SOX5: variants seen among roughly 807,000 people sequenced by gnomAD.
SOX5 encodes SRY-box transcription factor 5.
A neutral mutation model predicts 92.0 loss-of-function variants in SOX5; 9 were observed. The ratio of observed to expected loss-of-function variants is 0.10; its 90% CI spans 0.06 to 0.17. The LOEUF is 0.17. Ranked by LOEUF, SOX5 falls within the 10% of genes least tolerant of loss-of-function variation. SOX5 has a pLI of 1.00. For synonymous variants in SOX5, 344 were observed against 336.3 expected (o/e 1.02, Z -0.25); for missense variants, 642 against 944.5 (o/e 0.68, Z 4.20).
chr12:24,377,115 T>C (rs931361432), intron 1 of SOX5, among the ~76,000 whole-genome samples: 1 of 152,172 alleles, frequency 6.6e-6, no homozygotes, highest in African/African-American at 2.4e-5. Flanking sequence ...TGAAAACCAA[T>C]ATGCCAACTA....
chr12:24,372,689 C>T (rs1223042322), intron 1 of SOX5, among the ~76,000 whole-genome samples: 5 of 152,142 alleles, frequency 3.3e-5, no homozygotes, highest in Non-Finnish European at 7.4e-5. Context: ...GTTCTAGATC[C>T]TTGAGGAATC....
intron 13 of SOX5, among the ~76,000 whole-genome samples, chr12:23,542,521 T>C (rs969007909): frequency 6.6e-6 from 1 of 152,218 alleles, no homozygotes; most frequent in Admixed American, 6.5e-5. Flanking sequence ...CCCAACCATT[T>C]TTCCTGTGTG....
At chr12:24,279,867 C>A (rs539276623) in intron 2 of SOX5, among the ~76,000 whole-genome samples, 1 of 152,246 alleles carries the variant, frequency 6.6e-6, no homozygotes, top group South Asian at 2.1e-4. Context: ...CTGTAAACTG[C>A]AGGGGAGACA....
At chr12:24,515,253 A>G (rs1949677935) in intron 1 of SOX5, among the ~76,000 whole-genome samples, 1 of 152,200 alleles carries the variant, frequency 6.6e-6, no homozygotes, top group African/African-American at 2.4e-5. Flanking sequence ...GTGAAAAACT[A>G]CTTACTTGTA....
Position 23,811,848 on chromosome 12 carries a change from A to G in SOX5, c.481+34135T>C, listed in dbSNP as rs547734766. On this transcript the variant is annotated intron_variant, in intron 3 of 14. Coordinates refer to ENST00000451604, the MANE Select transcript of SOX5 (RefSeq NM_006940.6). ...TTAGAAGTAGTTAAAAATAAGCCTA[A>G]TTTGTAATAAACCAGAAAGTCTTCC... Among the ~76,000 whole-genome samples, 5 of 152,042 alleles carry G rather than the reference A, an allele frequency of 3.3e-5. No individual in the cohort carries two copies. The South Asian group carries it at 1.0e-3, about 32-fold the overall frequency.
At chr12:23,859,037 C>G (rs752952584) in intron 2 of SOX5, among the ~76,000 whole-genome samples, 2 of 152,170 alleles carry the variant, frequency 1.3e-5, no homozygotes, top group Non-Finnish European at 2.9e-5. Context: ...TATGTCACTT[C>G]AGGACCCTGT....
intron 3 of SOX5, among the ~76,000 whole-genome samples, chr12:23,775,035 C>G (rs543701774): frequency 1.5e-4 from 23 of 152,226 alleles, no homozygotes; most frequent in Non-Finnish European, 2.4e-4. Context: ...ACGGCTATGA[C>G]AAACCTACAT....
rs149567277 is a variant in SOX5, at chr12:24,390,773, T to C, written c.-250-22134A>G. 6.2e-4 allele frequency among the ~76,000 whole-genome samples: 94 copies of C among 152,306 alleles called. 2 individuals carry two copies. The highest frequency in any genetic ancestry group is 6.8e-3 in the Middle Eastern group (2 of 294). ...TTCATTCTTTTTGAGGGCTGAGTAG[T>C]ATTCTGTGGCATGTGTACATATGTG... On this transcript the variant is annotated intron_variant, in intron 1 of 4. Coordinates refer to the SOX5 transcript ENST00000446891.
chr12:23,565,152 G>A (rs1946857862), intron 10 of SOX5, among the ~76,000 whole-genome samples: 1 of 152,130 alleles, frequency 6.6e-6, no homozygotes, highest in Non-Finnish European at 1.5e-5. Context: ...ATAGTGAATT[G>A]AAAACAACTC....
intron 4 of SOX5, among the ~76,000 whole-genome samples, chr12:23,977,741 T>A (rs1481555508): frequency 6.6e-6 from 1 of 151,710 alleles, no homozygotes; most frequent in Non-Finnish European, 1.5e-5. Flanking sequence ...TTATTTTATC[T>A]AAGACACCCT....
intron 1 of SOX5, among the ~76,000 whole-genome samples, chr12:24,501,612 G>C (rs1444293492): frequency 2.0e-5 from 3 of 152,100 alleles, no homozygotes; most frequent in African/African-American, 4.8e-5. Context: ...GATTGCTTGA[G>C]GTCAGGAGTT....
At chr12:24,359,764 A>T (rs555704642) in intron 2 of SOX5, among the ~76,000 whole-genome samples, 2 of 152,324 alleles carry the variant, frequency 1.3e-5, no homozygotes, top group South Asian at 4.1e-4. Context: ...AGCTTCTAAG[A>T]CATCCAAATG....
intron 4 of SOX5, among the ~76,000 whole-genome samples, chr12:24,160,650 G>C (rs1183957473): frequency 6.6e-6 from 1 of 151,980 alleles, no homozygotes; most frequent in Non-Finnish European, 1.5e-5. Flanking sequence ...CATAGAAAGG[G>C]AAGAAAGGTT....
intron 1 of SOX5, chr12:24,562,193 C>T (rs1954437832): frequency 6.6e-6 from 1 of 152,556 alleles, no homozygotes; most frequent in Non-Finnish European, 1.5e-5. Flanking sequence ...CCTCCCTCCT[C>T]CGCGGCTCTC....
At chr12:24,297,731 G>A (rs996731855) in intron 2 of SOX5, among the ~76,000 whole-genome samples, 1 of 152,218 alleles carries the variant, frequency 6.6e-6, no homozygotes, top group South Asian at 2.1e-4. Context: ...GGAACTGTGA[G>A]TGACTGCTCA....
intron 1 of SOX5, among the ~76,000 whole-genome samples, chr12:24,389,265 G>C (rs1298526389): frequency 7.2e-5 from 11 of 152,126 alleles, no homozygotes; most frequent in Non-Finnish European, 1.5e-4. Context: ...TTTCATCCCT[G>C]TCCCTACAAA....
intron 1 of SOX5, among the ~76,000 whole-genome samples, chr12:24,432,991 C>T (rs1357470101): frequency 6.6e-6 from 1 of 152,056 alleles, no homozygotes; most frequent in African/African-American, 2.4e-5. Context: ...CTTTTTAGCT[C>T]AGCAGTGATT....
chr12:23,587,722 C>T (rs1314018201), intron 9 of SOX5, among the ~76,000 whole-genome samples: 2 of 151,994 alleles, frequency 1.3e-5, no homozygotes, highest in African/African-American at 2.4e-5. Context: ...CCATAAACAT[C>T]CTTAACACTA....
intron 4 of SOX5, among the ~76,000 whole-genome samples, chr12:23,984,027 T>C (rs1254169319): frequency 6.6e-6 from 1 of 152,134 alleles, no homozygotes; most frequent in East Asian, 1.9e-4. Flanking sequence ...AGACTACAGG[T>C]TCAGAGTAAA....
Sources: gnomAD v4.1 joint callset for allele counts (sites outside exome capture counted in the v4.1 genomes callset) on GRCh38, gnomAD v4.1.1 for gene constraint, MANE v1.5 for transcripts, NCBI Gene and HGNC (gene_info 2026-07-23, HGNC 2026-07-21) for gene names.